Variants in IRS2 observed in about 807,000 individuals in gnomAD.
IRS2 encodes the protein insulin receptor substrate 2.
In IRS2, 28 loss-of-function variants were observed where a neutral mutation model predicts 70.9. The ratio of observed to expected loss-of-function variants is 0.39; its 90% confidence interval spans 0.29 to 0.54. IRS2 has a LOEUF of 0.54. Among genes scored for constraint, IRS2 ranks in the 20% least tolerant of loss-of-function variants. The probability of loss-of-function intolerance (pLI) is 0.59; values close to 1 mark genes in which losing one functional copy is unlikely to be tolerated. For missense variants in IRS2, 2,081 were observed against 2,024.1 expected, an observed-to-expected ratio of 1.03 and a Z score of -0.54; for synonymous variants, 1,217 against 981.9, an observed-to-expected ratio of 1.24 and a Z score of -4.48.
At position 109,784,474 on chromosome 13, in the gene IRS2, G is replaced by T; in HGVS notation, c.1580C>A (p.Thr527Lys). Residue 527 changes from threonine (T) to lysine (K), a missense_variant, in exon 1 of 2, where the codon ACG becomes AAG. Coordinates refer to ENST00000375856, the MANE Select transcript of IRS2 (RefSeq NM_003749.3). The surrounding 1 kb of genome is among the most constrained non-coding windows in gnomAD (Gnocchi z 5.2). ...GCCGCCGCCGTCTCGGGCCGGGGGCGTCTCCGCGATGGACTCGGGCGTGTT... is the reference window on the plus strand; with the variant it reads ...GCCGCCGCCGTCTCGGGCCGGGGGCTTCTCCGCGATGGACTCGGGCGTGTT... ...RSNTPESIAE[T>K]PPARDGGGGG... is the part of the protein sequence containing the mutation. 6.3e-7 allele frequency: 1 copy of T among 1,579,756 alleles called. No individual in the cohort carries two copies.
At position 109,755,214 on chromosome 13, in the gene IRS2, C is replaced by CTTTTTTTTTTTTTTTT. The variant is rs375324802; in HGVS notation, c.*1089_*1090insAAAAAAAAAAAAAAAA. On this transcript the variant is annotated 3_prime_UTR_variant, in exon 2 of 2. Coordinates refer to ENST00000375856, the MANE Select transcript of IRS2 (RefSeq NM_003749.3). ...CTCTTTTTATCAGTTTCTTTCTTTC[C>CTTTTTTTTTTTTTTTT]TTTTTTTTTTTTCTTTTTGTTTTTT... 3.2e-4 allele frequency: 63 copies of CTTTTTTTTTTTTTTTT among 193,980 alleles called. No individual in the cohort carries two copies. Among genetic ancestry groups the CTTTTTTTTTTTTTTTT allele is most frequent in the Non-Finnish European group, 4.9e-4 (48 of 98,294 alleles). The allele number at this position is 193,980 out of a possible 1,614,324, so 12.0% of individuals were successfully genotyped here. A position where few individuals can be genotyped will look rare whatever the true frequency, so the allele number is the denominator to read the frequency against.
chr13:109,783,327 C>T lies in IRS2; in HGVS notation c.2727G>A (p.Leu909=), dbSNP rs933842682. The T allele has an allele frequency of 2.6e-6, 4 of 1,557,564 alleles. No individual in the cohort carries two copies. Among genetic ancestry groups the T allele is most frequent in the African/African-American group, 1.4e-5 (1 of 71,038 alleles). ...PSLPSMHEYP[L]PPEPKSPGEY... The stretch of plus-strand genomic sequence containing the variant: ...CGCCGGGGCTCTTGGGCTCCGGTGG[C>T]AGTGGGTACTCGTGCATGCTGGGCA... Residue 909 remains leucine, a synonymous_variant, in exon 1 of 2, where the codon CTG becomes CTA. Coordinates refer to ENST00000375856, the MANE Select transcript of IRS2 (RefSeq NM_003749.3).
rs1877740712 is a variant in IRS2 at position 109,782,519 on chromosome 13, T to C, written c.3535A>G (p.Asn1179Asp). 1 of 1,555,110 alleles carries C rather than the reference T, an allele frequency of 6.4e-7. No homozygotes were observed. Among genetic ancestry groups the C allele is most frequent in the African/African-American group, 1.4e-5 (1 of 73,458 alleles). Residue 1179 changes from asparagine to aspartate, a missense_variant, in exon 1 of 2, where the codon AAT becomes GAT. Transcript: ENST00000375856. ...TCGCTGCTTTTCCTGAGAGAGACAT[T>C]TTCCACGGAGGCCGAGTTGTGGCGC... The part of the protein sequence containing the change: ...PKRHNSASVE[N>D]VSLRKSSEGG...
At chr13:109,776,160 A>G (rs1040753852) in intron 1 of IRS2, among the ~76,000 whole-genome samples, 1 of 129,658 alleles carries the variant, frequency 7.7e-6, no homozygotes, top group Non-Finnish European at 1.7e-5. Flanking sequence ...AAAAAAAAAA[A>G]AGAAAAAAAC....
At chr13:109,761,439 T>G (rs1460042468) in intron 1 of IRS2, among the ~76,000 whole-genome samples, 1 of 152,174 alleles carries the variant, frequency 6.6e-6, no homozygotes, top group Admixed American at 6.5e-5. Flanking sequence ...ATCGTACAGG[T>G]ACATCTCAGT....
rs867429224 is a variant in IRS2, at chr13:109,782,985, C to A, written c.3069G>T (p.Ala1023=). Residue 1023 remains alanine (A), a synonymous_variant, in exon 1 of 2, where the codon GCG becomes GCT. Transcript: ENST00000375856. ...PYPPLPPRPS[A]SPSSSLQPPP... ...GCGGCTGCAGAGACGACGACGGGGA[C>A]GCGGACGGACGCGGGGGCAACGGCG... 5.8e-6 allele frequency: 8 copies of A among 1,377,144 alleles called. No homozygotes were observed. The highest frequency in any genetic ancestry group is 4.1e-4 in the Middle Eastern group (2 of 4,870). The allele number at this position is 1,377,144 out of a possible 1,614,324, so 85.3% of individuals were successfully genotyped here. A position where few individuals can be genotyped will look rare whatever the true frequency, so the allele number is the denominator to read the frequency against.
At chr13:109,758,605 C>T (rs1019534894) in intron 1 of IRS2, among the ~76,000 whole-genome samples, 4 of 151,964 alleles carry the variant, frequency 2.6e-5, no homozygotes, top group Middle Eastern at 3.4e-3. Context: ...TACATCTTTG[C>T]GAGCTCCAAT....
At chr13:109,771,227 G>A (rs1877444798) in intron 1 of IRS2, among the ~76,000 whole-genome samples, 1 of 151,934 alleles carries the variant, frequency 6.6e-6, no homozygotes, top group Non-Finnish European at 1.5e-5. Context: ...TTGCATCAAT[G>A]AATGCAAATT....
At chr13:109,776,799 CTG>C (rs942296270) in intron 1 of IRS2, among the ~76,000 whole-genome samples, 4 of 152,216 alleles carry the variant, frequency 2.6e-5, no homozygotes, top group African/African-American at 9.6e-5. Context: ...GCACTGAACT[CTG>C]TGTACAATAA....
At chr13:109,759,840 G>A (rs1214359174) in intron 1 of IRS2, among the ~76,000 whole-genome samples, 1 of 151,960 alleles carries the variant, frequency 6.6e-6, no homozygotes, top group Non-Finnish European at 1.5e-5. Context: ...ACGGCAACAC[G>A]ATACCTACCA....
intron 1 of IRS2, among the ~76,000 whole-genome samples, chr13:109,760,841 T>C (rs1159973902): frequency 6.6e-6 from 1 of 152,156 alleles, no homozygotes; most frequent in African/African-American, 2.4e-5. Context: ...AGCTTCCTTG[T>C]AATATATGGA....
chr13:109,758,169 T>TA (rs752348115), intron 1 of IRS2, among the ~76,000 whole-genome samples: 2,424 of 151,070 alleles, frequency 0.016, 59 homozygotes, highest in African/African-American at 0.055. Flanking sequence ...TTGTATCCCC[T>TA]AAAAAAAAAC....
At chr13:109,779,026 T>G (rs1341920244) in intron 1 of IRS2, among the ~76,000 whole-genome samples, 1 of 152,004 alleles carries the variant, frequency 6.6e-6, no homozygotes, top group African/African-American at 2.4e-5. Context: ...ACATGATAAG[T>G]AACCTTAACC....
In IRS2 at chr13:109,782,783, G is replaced by C. The variant is rs756959264; in HGVS notation, c.3271C>G (p.Pro1091Ala). Residue 1091 changes from proline (P) to alanine (A), a missense_variant, in exon 1 of 2, where the codon CCG becomes GCG. Physicochemically the swap from Pro to Ala is conservative, Grantham distance 27. Transcript: ENST00000375856. ...GCCACGCGGGCAGCTTCTGGCTTCG[G>C]GGGGGCCGCGATAGGTTGCGGCGGG... ...ATPPQPIAAP[P>A]KPEAARVASP... 6.2e-7 allele frequency: 1 copy of C among 1,603,500 alleles called. No homozygotes were observed. The highest frequency in any genetic ancestry group is 1.3e-5 in the African/African-American group (1 of 74,864).
intron 1 of IRS2, among the ~76,000 whole-genome samples, chr13:109,763,019 AC>A (rs1445354638): frequency 6.6e-6 from 1 of 152,156 alleles, no homozygotes; most frequent in Non-Finnish European, 1.5e-5. Flanking sequence ...AGCCGTGCTC[AC>A]GCATTTACAT....
At position 109,785,713 on chromosome 13, in the gene IRS2, G is replaced by A; in HGVS notation, c.341C>T (p.Ala114Val). 1 of 1,600,686 alleles carries A rather than the reference G, an allele frequency of 6.2e-7. No individual in the cohort carries two copies. Among genetic ancestry groups the A allele is most frequent in the Non-Finnish European group, 8.5e-7 (1 of 1,178,062 alleles). ...RADAKHKYLI[A>V]LYTKDEYFAV... ...GAAGTACTCGTCCTTGGTGTAGAGGGCGATCAGGTACTTGTGCTTGGCGTC... is the reference window on the plus strand; with the variant it reads ...GAAGTACTCGTCCTTGGTGTAGAGGACGATCAGGTACTTGTGCTTGGCGTC... Residue 114 changes from alanine (A) to valine (V), a missense_variant, in exon 1 of 2, where the codon GCC (alanine) becomes GTC (valine). Ala to Val is a moderately conservative substitution (Grantham distance 64). Around this residue, in one of 4 missense-constraint regions of IRS2, gnomAD observed 320 missense variants for 352.9 expected, o/e 0.91. Coordinates refer to ENST00000375856, the MANE Select transcript of IRS2 (RefSeq NM_003749.3). This position sits in a 1 kb window ranked among gnomAD's most constrained non-coding sequence, Gnocchi z 9.3.
intron 1 of IRS2, among the ~76,000 whole-genome samples, chr13:109,762,640 G>A (rs191319715): frequency 1.2e-4 from 19 of 152,302 alleles, no homozygotes; most frequent in African/African-American, 4.1e-4. Context: ...TGAAGCCTGT[G>A]AGTCGATGAG....
At chr13:109,772,856 C>T (rs1001765495) in intron 1 of IRS2, among the ~76,000 whole-genome samples, 5 of 151,714 alleles carry the variant, frequency 3.3e-5, no homozygotes, top group South Asian at 4.2e-4. Flanking sequence ...CCACCGCACC[C>T]GGCTAATTTT....
chr13:109,785,887 C>T lies in IRS2; in HGVS notation c.167G>A (p.Gly56Asp), dbSNP rs1485515924. Residue 56 changes from glycine to aspartate, a missense_variant, in exon 1 of 2, where the codon GGC becomes GAC. By Grantham distance (94) the Gly-to-Asp change is moderately conservative. Transcript: ENST00000375856. This position sits in a 1 kb window ranked among gnomAD's most constrained non-coding sequence, Gnocchi z 9.3. ...CCCGCCCGCCGTCGCCTCGTCGCCG[C>T]CCGCGCCGGGTCCGCGCAGCACGAA... ...RFFVLRGPGA[G>D]GDEATAGGGS... The T allele has an allele frequency of 4.7e-6, 7 of 1,499,350 alleles. No individual in the cohort carries two copies. In the South Asian group the frequency reaches 8.8e-5, roughly 19 times the overall value. 92.9% of individuals were successfully genotyped at this position (1,499,350 alleles called of 1,614,324 possible).
Sources: allele counts gnomAD v4.1 joint callset (sites outside exome capture counted in the v4.1 genomes callset), GRCh38; gene constraint gnomAD v4.1.1; regional missense constraint gnomAD v4.1.1; non-coding constraint Gnocchi (gnomAD v3.1); transcripts MANE v1.5; gene names NCBI Gene and HGNC (gene_info 2026-07-23, HGNC 2026-07-21).